Variants in PLPPR1 observed in about 807,000 individuals in gnomAD.
The protein encoded by PLPPR1 is phospholipid phosphatase related 1.
PLPPR1 carries 10 observed loss-of-function variants against 33.1 expected under a neutral mutation model. That is an observed-to-expected ratio of 0.30 (90% confidence interval 0.19 to 0.51). PLPPR1 has a LOEUF of 0.51. Ranked by LOEUF, PLPPR1 falls within the 20% of genes least tolerant of loss-of-function variation. The pLI, the probability that PLPPR1 is intolerant of heterozygous loss-of-function variation, is 0.97. For synonymous variants in PLPPR1, 151 were observed against 151.0 expected, an observed-to-expected ratio of 1.00 and a Z score of 0.00; for missense variants, 304 against 408.1, an observed-to-expected ratio of 0.74 and a Z score of 2.20.
At chr9:101,165,017 G>A (rs373661248) in intron 1 of PLPPR1, among the ~76,000 whole-genome samples, 10 of 152,128 alleles carry the variant, frequency 6.6e-5, no homozygotes, top group African/African-American at 1.4e-4. Flanking sequence ...TGGAACAATC[G>A]TAAATATCTG....
intron 2 of PLPPR1, among the ~76,000 whole-genome samples, chr9:101,195,758 A>T (rs6479045): frequency 3.6e-4 from 55 of 152,176 alleles, no homozygotes; most frequent in African/African-American, 1.3e-3. Flanking sequence ...CCTTGTTCCT[A>T]TGCTGTATAC....
intron 1 of PLPPR1, among the ~76,000 whole-genome samples, chr9:101,158,011 A>G (rs1178640343): frequency 1.3e-5 from 2 of 152,110 alleles, no homozygotes; most frequent in African/African-American, 4.8e-5. Context: ...CTCAAAAGAT[A>G]AAATAAGTGA....
chr9:101,088,576 C>T (rs890803679), intron 1 of PLPPR1, among the ~76,000 whole-genome samples: 5 of 151,966 alleles, frequency 3.3e-5, no homozygotes, highest in South Asian at 2.1e-4. Flanking sequence ...AAAAATAAAA[C>T]GCAGAGTTTG....
Position 101,149,208 on chromosome 9 carries a change from CA to C in PLPPR1, c.-45-36241del, listed in dbSNP as rs1831554577. Among the ~76,000 whole-genome samples the C allele has an allele frequency of 2.0e-5, 3 of 152,072 alleles. No homozygotes were observed. In the South Asian group the frequency reaches 6.2e-4, roughly 31 times the overall value. ...AGCTATGTTTAAAAGGAATAATTAC[CA>C]TAAAACTCTATACATTACACATCCA... is the stretch of plus-strand genomic sequence containing the variant. On this transcript the variant is annotated intron_variant, in intron 1 of 7. Transcript: ENST00000374874.
intron 1 of PLPPR1, among the ~76,000 whole-genome samples, chr9:101,049,994 G>A (rs574580285): frequency 1.3e-5 from 2 of 151,596 alleles, no homozygotes; most frequent in East Asian, 2.0e-4. Context: ...GTGTGGTGGC[G>A]TGCGCCTGTA....
chr9:101,265,118 C>T (rs1399449005), intron 2 of PLPPR1, among the ~76,000 whole-genome samples: 2 of 152,182 alleles, frequency 1.3e-5, no homozygotes, highest in Non-Finnish European at 2.9e-5. Flanking sequence ...ACAATTATTG[C>T]TCTTCTTGAC....
At chr9:101,086,194 A>G (rs1266004510) in intron 1 of PLPPR1, among the ~76,000 whole-genome samples, 2 of 152,162 alleles carry the variant, frequency 1.3e-5, no homozygotes, top group Non-Finnish European at 2.9e-5. Flanking sequence ...CTGTATACTC[A>G]ACTCATGTCA....
At chr9:101,071,624 G>GAGAGAGAC (rs1554723750) in intron 1 of PLPPR1, among the ~76,000 whole-genome samples, 7 of 151,646 alleles carry the variant, frequency 4.6e-5, no homozygotes, top group Admixed American at 1.3e-4. Context: ...GAGAGAGAGA[G>GAGAGAGAC]AGACAGACAG....
intron 2 of PLPPR1, among the ~76,000 whole-genome samples, chr9:101,193,593 A>AT (rs1826340431): frequency 6.6e-6 from 1 of 152,142 alleles, no homozygotes; most frequent in Non-Finnish European, 1.5e-5. Context: ...CAGGTTTCAG[A>AT]TTTTTTATGT....
chr9:101,322,003 GCC>G (rs1829159616), intron 7 of PLPPR1, among the ~76,000 whole-genome samples: 7 of 148,394 alleles, frequency 4.7e-5, no homozygotes, highest in Admixed American at 4.0e-4. Context: ...TTCAAGACCA[GCC>G]TGGCCAACAT....
In PLPPR1 at chr9:101,207,843, A is replaced by G. The variant is rs534024083; in HGVS notation, c.63+22286A>G. Among the ~76,000 whole-genome samples the G allele has an allele frequency of 2.4e-4, 36 of 152,322 alleles. No individual in the cohort carries two copies. The South Asian group carries it at 4.6e-3, about 19-fold the overall frequency. ...GAATATATATCCAGAAGGAGATTAT[A>G]AGAGAACTAGGTAAACAGGACCACA... On this transcript the variant is annotated intron_variant, in intron 2 of 7. Transcript: ENST00000374874.
intron 2 of PLPPR1, among the ~76,000 whole-genome samples, chr9:101,214,823 G>T (rs1385331709): frequency 2.0e-5 from 3 of 152,136 alleles, no homozygotes; most frequent in Non-Finnish European, 4.4e-5. Context: ...AGGAGTTCAA[G>T]ACCAGCCTGG....
chr9:101,148,984 G>GGA (rs1831552619), intron 1 of PLPPR1, among the ~76,000 whole-genome samples: 1 of 152,150 alleles, frequency 6.6e-6, no homozygotes, highest in African/African-American at 2.4e-5. Flanking sequence ...TCTGGCTGAA[G>GGA]TGATGATCTC....
intron 2 of PLPPR1, among the ~76,000 whole-genome samples, chr9:101,216,421 T>A (rs1826796212): frequency 6.6e-6 from 1 of 152,160 alleles, no homozygotes; most frequent in Non-Finnish European, 1.5e-5. Context: ...TTAGATAGAC[T>A]GGTTATTTGT....
chr9:101,227,391 T>A (rs1371999884), intron 2 of PLPPR1, among the ~76,000 whole-genome samples: 1 of 152,212 alleles, frequency 6.6e-6, no homozygotes, highest in Non-Finnish European at 1.5e-5. Context: ...GATTTGCATT[T>A]CTAATGATGA....
Position 101,259,259 on chromosome 9 carries a change from C to T in PLPPR1, c.64-10621C>T, listed in dbSNP as rs996416741. Among the ~76,000 whole-genome samples the T allele has an allele frequency of 4.6e-5, 7 of 152,180 alleles. No homozygotes were observed. The East Asian group carries it at 9.7e-4, about 21-fold the overall frequency. On this transcript the variant is annotated intron_variant, in intron 2 of 7. Coordinates refer to ENST00000374874, the MANE Select transcript of PLPPR1 (RefSeq NM_207299.2). ...AAGAGAGGTAGACCTATGTATTCTC[C>T]GCTAACTAAGAGGCCATGCCTGATG... is the stretch of plus-strand genomic sequence containing the variant.
intron 3 of PLPPR1, among the ~76,000 whole-genome samples, chr9:101,270,596 A>G (rs182820406): frequency 3.3e-5 from 5 of 152,256 alleles, no homozygotes; most frequent in African/African-American, 7.2e-5. Context: ...TTCACATTAC[A>G]TCACATTAAA....
At chr9:101,154,860 G>A (rs1831655248) in intron 1 of PLPPR1, among the ~76,000 whole-genome samples, 1 of 149,460 alleles carries the variant, frequency 6.7e-6, no homozygotes, top group Non-Finnish European at 1.5e-5. Flanking sequence ...CTATCGCAAG[G>A]ACAAAAAACC....
intron 7 of PLPPR1, among the ~76,000 whole-genome samples, chr9:101,319,824 CAG>C (rs911824997): frequency 5.9e-5 from 9 of 152,096 alleles, no homozygotes; most frequent in Admixed American, 1.3e-4. Flanking sequence ...TAAAAAGAAA[CAG>C]AAAATATTTG....
Sources: gnomAD v4.1 joint callset for allele counts (sites outside exome capture counted in the v4.1 genomes callset) on GRCh38, gnomAD v4.1.1 for gene constraint, MANE v1.5 for transcripts, NCBI Gene and HGNC (gene_info 2026-07-23, HGNC 2026-07-21) for gene names.